Variants in NDST4 observed in about 807,000 individuals in gnomAD.
NDST4 encodes N-deacetylase and N-sulfotransferase 4.
A neutral mutation model predicts 100.8 loss-of-function variants in NDST4; 63 were observed. The observed-to-expected ratio is 0.62, with a 90% CI of 0.51 to 0.77. NDST4 has a LOEUF of 0.77. Among genes scored for constraint, NDST4 ranks in the 30% least tolerant of loss-of-function variants. The pLI is 0.00. For synonymous variants in NDST4, 377 were observed against 361.8 expected, an observed-to-expected ratio of 1.04 and a Z score of -0.48; for missense variants, 943 against 1,018.4, an observed-to-expected ratio of 0.93 and a Z score of 1.01.
chr4:115,097,180 T>C (rs1267625182), intron 1 of NDST4, among the ~76,000 whole-genome samples: 1 of 152,128 alleles, frequency 6.6e-6, no homozygotes, highest in Non-Finnish European at 1.5e-5. Context: ...TACAATGTTC[T>C]AGTTTTAAGT....
At position 115,055,594 on chromosome 4, in the gene NDST4, G is replaced by A. The variant is rs929095826; in HGVS notation, c.978+20465C>T. On this transcript the variant is annotated intron_variant, in intron 2 of 13. Coordinates refer to ENST00000264363, the MANE Select transcript of NDST4 (RefSeq NM_022569.3). ...AGTTCAAGTTGTCATTGATCATATC[G>A]GTTATTGAGTCCAAATAGATTTGGG... 4.8e-4 allele frequency among the ~76,000 whole-genome samples: 73 copies of A among 152,160 alleles called. 1 individual carries two copies. Among genetic ancestry groups the A allele is most frequent in the Non-Finnish European group, 8.8e-5 (6 of 68,002 alleles).
At chr4:115,035,257 T>C (rs945926975) in intron 2 of NDST4, among the ~76,000 whole-genome samples, 1 of 152,086 alleles carries the variant, frequency 6.6e-6, no homozygotes, top group Non-Finnish European at 1.5e-5. Context: ...GGTTATAACT[T>C]AAACAATAAG....
intron 6 of NDST4, among the ~76,000 whole-genome samples, chr4:114,882,670 G>T (rs1007686566): frequency 6.6e-6 from 1 of 151,912 alleles, no homozygotes; most frequent in African/African-American, 2.4e-5. Context: ...TGCCAGAATA[G>T]GAAAAAAGAG....
chr4:115,028,059 T>TAA (rs555507040), intron 2 of NDST4, among the ~76,000 whole-genome samples: 2,427 of 142,508 alleles, frequency 0.017, 62 homozygotes, highest in African/African-American at 0.059. Context: ...AAACTCCGTC[T>TAA]AAAAAAAAAA....
chr4:115,042,762 G>A (rs1201721881), intron 2 of NDST4, among the ~76,000 whole-genome samples: 1 of 152,066 alleles, frequency 6.6e-6, no homozygotes, highest in African/African-American at 2.4e-5. Flanking sequence ...ACAACTGGCA[G>A]ATCTGCTGTT....
chr4:115,088,639 C>G (rs1244982080), intron 1 of NDST4, among the ~76,000 whole-genome samples: 10 of 151,796 alleles, frequency 6.6e-5, no homozygotes, highest in Non-Finnish European at 1.3e-4. Flanking sequence ...CACTCTCACC[C>G]CCACTCCCGC....
intron 2 of NDST4, among the ~76,000 whole-genome samples, chr4:115,033,146 TATATATATATA>T (rs1463464630): frequency 7.7e-6 from 1 of 130,626 alleles, no homozygotes; most frequent in African/African-American, 3.1e-5. Flanking sequence ...TATATATATA[TATATATATATA>T]TTTTTTTTTT....
At chr4:115,096,325 C>T (rs1039901623) in intron 1 of NDST4, among the ~76,000 whole-genome samples, 3 of 152,008 alleles carry the variant, frequency 2.0e-5, no homozygotes, top group African/African-American at 7.2e-5. Context: ...CCCAAATGAG[C>T]TTTTAATTCT....
intron 4 of NDST4, among the ~76,000 whole-genome samples, chr4:114,942,398 A>G (rs1261433957): frequency 6.6e-6 from 1 of 152,044 alleles, no homozygotes; most frequent in East Asian, 1.9e-4. Flanking sequence ...TAAAAAATAT[A>G]TTATTAATTT....
Position 115,007,866 on chromosome 4 carries a change from C to T in NDST4, c.979-30592G>A, listed in dbSNP as rs568365153. Among the ~76,000 whole-genome samples, 5 of 129,854 alleles carry T rather than the reference C, an allele frequency of 3.9e-5. 2 individuals carry two copies. The highest frequency in any genetic ancestry group is 1.5e-4 in the African/African-American group (5 of 34,432). The allele number at this position is 129,854 out of a possible 152,430, so 85.2% of individuals were successfully genotyped here. On this transcript the variant is annotated intron_variant, in intron 2 of 13. Transcript: ENST00000264363. ...ACAACTCCTCTCTGGGCTCTGTTTG[C>T]ATTGCTCCTGAAAGGATCTGAGGCC...
intron 2 of NDST4, among the ~76,000 whole-genome samples, chr4:115,023,198 C>A (rs1727897968): frequency 6.6e-6 from 1 of 151,980 alleles, no homozygotes; most frequent in East Asian, 1.9e-4. Flanking sequence ...AGAACGTATT[C>A]CTGTTGGCCG....
intron 2 of NDST4, among the ~76,000 whole-genome samples, chr4:114,992,849 C>A (rs1337966811): frequency 6.6e-6 from 1 of 151,802 alleles, no homozygotes; most frequent in African/African-American, 2.4e-5. Flanking sequence ...CAAATCTGTT[C>A]TTTACATTTC....
intron 6 of NDST4, among the ~76,000 whole-genome samples, chr4:114,897,024 A>G (rs1329702224): frequency 6.6e-6 from 1 of 152,172 alleles, no homozygotes; most frequent in Non-Finnish European, 1.5e-5. Flanking sequence ...CCCATTATCA[A>G]TATCCCCTAT....
At chr4:114,874,961 A>T (rs537975976) in intron 6 of NDST4, among the ~76,000 whole-genome samples, 4 of 152,272 alleles carry the variant, frequency 2.6e-5, no homozygotes, top group African/African-American at 9.6e-5. Context: ...TACTACATGG[A>T]TAAAAATGGT....
At chr4:115,091,270 T>A (rs1027058639) in intron 1 of NDST4, among the ~76,000 whole-genome samples, 2 of 152,120 alleles carry the variant, frequency 1.3e-5, no homozygotes, top group Non-Finnish European at 2.9e-5. Context: ...TTTATATTTC[T>A]CTGTTATGCA....
At chr4:114,951,289 T>C (rs186340313) in intron 4 of NDST4, among the ~76,000 whole-genome samples, 206 of 152,232 alleles carry the variant, frequency 1.4e-3, no homozygotes, top group African/African-American at 4.8e-3. Flanking sequence ...GTTAAAATAT[T>C]AGTTTTTTCA....
At chr4:114,839,660 G>A in intron 10 of NDST4, 112 bp from the exon 11 acceptor site, 1 of 780,254 alleles carries the variant, frequency 1.3e-6, no homozygotes, top group South Asian at 2.4e-5. Context: ...ATGTATAAAT[G>A]TGTGTGTCCT....
chr4:114,906,937 T>A (rs1212693008), intron 6 of NDST4, among the ~76,000 whole-genome samples: 2 of 152,050 alleles, frequency 1.3e-5, no homozygotes, highest in Non-Finnish European at 2.9e-5. Flanking sequence ...AAGCAATAAC[T>A]CTATGTTCTT....
At chr4:114,929,395 T>C (rs1725465454) in intron 6 of NDST4, among the ~76,000 whole-genome samples, 2 of 152,156 alleles carry the variant, frequency 1.3e-5, no homozygotes, top group African/African-American at 4.8e-5. Context: ...TATGGACTAG[T>C]GCTTGCTTGA....
Sources: allele counts gnomAD v4.1 joint callset (sites outside exome capture counted in the v4.1 genomes callset), GRCh38; gene constraint gnomAD v4.1.1; transcripts MANE v1.5; gene names NCBI Gene and HGNC (gene_info 2026-07-23, HGNC 2026-07-21).